Variants in PFKFB3 observed in about 807,000 individuals in gnomAD.
The protein encoded by PFKFB3 is 6-phosphofructo-2-kinase/fructose-2,6-bisphosphatase 3.
PFKFB3 carries 33 observed loss-of-function variants against 68.0 expected under a neutral mutation model. The ratio of observed to expected loss-of-function variants is 0.49; its 90% confidence interval spans 0.37 to 0.65. PFKFB3 has a LOEUF of 0.65. PFKFB3 is among the 30% of genes least tolerant of loss of function. The pLI is 0.00. For synonymous variants in PFKFB3, 315 were observed against 288.2 expected (o/e 1.09, Z -0.94); for missense variants, 586 against 712.2 (o/e 0.82, Z 2.02).
At position 6,235,123 on chromosome 10, in the gene PFKFB3, C is replaced by T. The variant is rs529496552; in HGVS notation, c.*2181C>T. 1 of 152,872 alleles carries T rather than the reference C, an allele frequency of 6.5e-6. No homozygotes were observed. The highest frequency in any genetic ancestry group is 1.5e-5 in the Non-Finnish European group (1 of 68,010). 9.5% of individuals were successfully genotyped at this position (152,872 alleles called of 1,614,324 possible). A position where few individuals can be genotyped will look rare whatever the true frequency, so the allele number is the denominator to read the frequency against. On this transcript the variant is annotated 3_prime_UTR_variant, in exon 15 of 15. Coordinates refer to ENST00000379775, the MANE Select transcript of PFKFB3 (RefSeq NM_004566.4). ...AAATAACGGGGACCAATATTTTTAACTTTGCCTATTTGTTTTTGGGTGAGT... is the reference window on the plus strand; with the variant it reads ...AAATAACGGGGACCAATATTTTTAATTTTGCCTATTTGTTTTTGGGTGAGT...
At chr10:6,321,881 C>T in the PFKFB3 span, among the ~76,000 whole-genome samples, 6 of 152,186 alleles carry the variant, frequency 3.9e-5, no homozygotes, top group East Asian at 9.6e-4. Flanking sequence ...TCTCCTTTGC[C>T]GATTCCGCCT....
chr10:6,288,796 T>A, the PFKFB3 span, among the ~76,000 whole-genome samples: 2 of 152,174 alleles, frequency 1.3e-5, no homozygotes. Context: ...TCCACAATGG[T>A]TGAACTAGCT....
intron 2 of PFKFB3, 65 bp downstream of exon 2, chr10:6,213,813 T>C: frequency 1.3e-6 from 2 of 1,568,778 alleles, no homozygotes; most frequent in South Asian, 2.3e-5. Flanking sequence ...TCTCAGTTGC[T>C]GGTTTCACAG....
chr10:6,219,748 T>A, intron 7 of PFKFB3, 55 bp downstream of exon 7: 2 of 1,573,872 alleles, frequency 1.3e-6, no homozygotes, highest in South Asian at 2.2e-5. Context: ...TCTTACTGAA[T>A]TCTTGATGTT....
chr10:6,215,026 G>A lies in PFKFB3; in HGVS notation c.203-195G>A, dbSNP rs1221504306. Among the ~76,000 whole-genome samples the A allele has an allele frequency of 1.3e-5, 2 of 152,206 alleles. No homozygotes were observed. The highest frequency in any genetic ancestry group is 2.4e-5 in the African/African-American group (1 of 41,438). Reference sequence around the variant, plus strand: ...GCATTGCAGCTGGACTGGGGAAGCCGGGCAGCCTGTGCCCTGCTGTCCTCA... The same window carrying A: ...GCATTGCAGCTGGACTGGGGAAGCCAGGCAGCCTGTGCCCTGCTGTCCTCA... On this transcript the variant is annotated intron_variant, in intron 2 of 14. Transcript: ENST00000379775. The surrounding 1 kb of genome is among the most constrained non-coding windows in gnomAD (Gnocchi z 4.3).
chr10:6,174,861 G>A (rs1003037436), intron 1 of PFKFB3, among the ~76,000 whole-genome samples: 32 of 150,740 alleles, frequency 2.1e-4, no homozygotes, highest in Non-Finnish European at 7.4e-5. Flanking sequence ...TCTCATGTAG[G>A]CTGGAGTACA....
the PFKFB3 span, among the ~76,000 whole-genome samples, chr10:6,322,921 T>C: frequency 2.0e-5 from 3 of 152,196 alleles, no homozygotes; most frequent in Non-Finnish European, 4.4e-5. Flanking sequence ...TCTTTGCCAT[T>C]AGAATGTAAG....
chr10:6,170,204 G>C (rs975751554), intron 1 of PFKFB3, among the ~76,000 whole-genome samples: 3 of 152,168 alleles, frequency 2.0e-5, no homozygotes, highest in Admixed American at 6.5e-5. Context: ...CCAAACAGAG[G>C]TGATGGTGTG....
Position 6,234,926 on chromosome 10 carries a change from A to G in PFKFB3, c.*1984A>G, listed in dbSNP as rs1462107025. 1 of 150,916 alleles carries G rather than the reference A, an allele frequency of 6.6e-6. No individual in the cohort carries two copies. Among genetic ancestry groups the G allele is most frequent in the Non-Finnish European group, 1.5e-5 (1 of 67,712 alleles). The allele number at this position is 150,916 out of a possible 1,614,324, so 9.3% of individuals were successfully genotyped here. On this transcript the variant is annotated 3_prime_UTR_variant, in exon 15 of 15. Transcript: ENST00000379775. Reference sequence around the variant, plus strand: ...GGGCCTAGATAGGGAGAGAGGTAACATGAATCTGGACAGGGAGGGAGATAC... The same window carrying G: ...GGGCCTAGATAGGGAGAGAGGTAACGTGAATCTGGACAGGGAGGGAGATAC...
chr10:6,209,501 T>A (rs1844016137), intron 1 of PFKFB3, among the ~76,000 whole-genome samples: 1 of 151,478 alleles, frequency 6.6e-6, no homozygotes, highest in Non-Finnish European at 1.5e-5. Flanking sequence ...TGAGACAGAG[T>A]TTTGCTCTGT....
rs1026392334 is a variant in PFKFB3 at position 6,178,247 on chromosome 10, G to A, written c.16+33234G>A. ...TGATGCTGGGCACCTGCTGATGTGC[G>A]CAGCTTCATTCATTCCTCCTCCACT... On this transcript the variant is annotated intron_variant, in intron 1 of 14. Coordinates refer to the PFKFB3 transcript ENST00000379789. Among the ~76,000 whole-genome samples, 5 of 152,250 alleles carry A rather than the reference G, an allele frequency of 3.3e-5. No homozygotes were observed. The South Asian group carries it at 6.2e-4, about 19-fold the overall frequency.
At chr10:6,148,349 C>T (rs951014888) in intron 1 of PFKFB3, among the ~76,000 whole-genome samples, 2 of 152,232 alleles carry the variant, frequency 1.3e-5, no homozygotes, top group African/African-American at 4.8e-5. Context: ...TCATATTGCA[C>T]CTGTCCAACA....
At chr10:6,213,135 G>A (rs1474645186) in intron 1 of PFKFB3, among the ~76,000 whole-genome samples, 3 of 152,292 alleles carry the variant, frequency 2.0e-5, no homozygotes, top group African/African-American at 7.2e-5. Context: ...GAACCTAAAG[G>A]CAGGACTGAG....
chr10:6,226,206 A>G lies in PFKFB3; in HGVS notation c.1356A>G (p.Gly452=), dbSNP rs1242140830. ...HRERSEDAKK[G]PNPLMRRNSV... ...GTCTTGCTTAGGATGCAAAGAAGGG[A>G]CCTAACCCGCTCATGAGACGCAATA... Residue 452 remains glycine (G), a synonymous_variant, in exon 14 of 15, where the codon GGA becomes GGG. Transcript: ENST00000379775. The G allele has an allele frequency of 6.2e-7, 1 of 1,606,714 alleles. No homozygotes were observed. The highest frequency in any genetic ancestry group is 2.3e-5 in the East Asian group (1 of 44,032).
At position 6,220,924 on chromosome 10, in the gene PFKFB3, G is replaced by C; in HGVS notation, c.831+59G>C. 1 of 1,472,000 alleles carries C rather than the reference G, an allele frequency of 6.8e-7. No homozygotes were observed. The highest frequency in any genetic ancestry group is 9.4e-7 in the Non-Finnish European group (1 of 1,064,190). The allele number at this position is 1,472,000 out of a possible 1,614,324, so 91.2% of individuals were successfully genotyped here. On this transcript the variant is annotated intron_variant, in intron 8 of 14. Transcript: ENST00000379775. The surrounding 1 kb of genome is among the most constrained non-coding windows in gnomAD (Gnocchi z 4.1). ...CTGTAGGGCGGTTGCAGGGTCTATA[G>C]GGTGGGTGGGGAGCTGTGTGCTGCT...
chr10:6,195,031 C>A (rs1843139684), intron 1 of PFKFB3, among the ~76,000 whole-genome samples: 1 of 152,050 alleles, frequency 6.6e-6, no homozygotes, highest in African/African-American at 2.4e-5. Flanking sequence ...TCTTACCATA[C>A]CTGGCTAATT....
intron 1 of PFKFB3, among the ~76,000 whole-genome samples, chr10:6,158,401 A>C (rs1232245872): frequency 1.3e-5 from 2 of 152,220 alleles, no homozygotes; most frequent in African/African-American, 4.8e-5. Flanking sequence ...GATTGAGACC[A>C]AAATGAAGAC....
At chr10:6,186,692 C>A (rs956989341) in intron 1 of PFKFB3, among the ~76,000 whole-genome samples, 1 of 152,122 alleles carries the variant, frequency 6.6e-6, no homozygotes, top group Non-Finnish European at 1.5e-5. Context: ...GAGATGGGGT[C>A]TTGCTATGCT....
chr10:6,224,405 TTTTC>T (rs1163724306), intron 13 of PFKFB3, 192 bp downstream of exon 13: 1 of 629,340 alleles, frequency 1.6e-6, no homozygotes, highest in Non-Finnish European at 2.8e-6. Context: ...GGCCTTCTCA[TTTTC>T]TTTCTTCCTG....
Sources: allele counts gnomAD v4.1 joint callset (sites outside exome capture counted in the v4.1 genomes callset), GRCh38; gene constraint gnomAD v4.1.1; non-coding constraint Gnocchi (gnomAD v3.1); transcripts MANE v1.5; gene names NCBI Gene and HGNC (gene_info 2026-07-23, HGNC 2026-07-21).